The following TMX2 variants were observed in gnomAD, a reference collection of about 807,000 sequenced individuals.
TMX2 encodes the protein thioredoxin-related transmembrane protein 2.
A neutral mutation model predicts 33.4 loss-of-function variants in TMX2; 20 were observed. The observed-to-expected ratio is 0.60, with a 90% CI of 0.42 to 0.87. The LOEUF is 0.87. TMX2 is among the 40% of genes least tolerant of loss of function. The pLI is 0.00. For synonymous variants in TMX2, 166 were observed against 140.7 expected (o/e 1.18, Z -1.27); for missense variants, 340 against 370.7 (o/e 0.92, Z 0.68).
chr11:57,726,389 G>A (rs2135543186), intron 1 of TMX2, among the ~76,000 whole-genome samples: 1 of 151,914 alleles, frequency 6.6e-6, no homozygotes, highest in South Asian at 2.1e-4. Context: ...CTCTGGCCTG[G>A]GCGACAGAGC....
rs560492501 is a variant in TMX2 at position 57,715,934 on chromosome 11, G to A, written c.189+3127G>A. Among the ~76,000 whole-genome samples the A allele has an allele frequency of 1.8e-4, 28 of 152,164 alleles. No individual in the cohort carries two copies. In the East Asian group the frequency reaches 5.4e-3, roughly 29 times the overall value. On this transcript the variant is annotated intron_variant, in intron 1 of 7. Coordinates refer to ENST00000278422, the MANE Select transcript of TMX2 (RefSeq NM_015959.4). Reference sequence around the variant, plus strand: ...CGATCAACAGGATCCCAAGGCAGAAGAATTTATCTTAGTACAGAACAAAAT... The same window carrying A: ...CGATCAACAGGATCCCAAGGCAGAAAAATTTATCTTAGTACAGAACAAAAT...
chr11:57,721,269 C>A (rs1947609169), intron 1 of TMX2, among the ~76,000 whole-genome samples: 1 of 151,906 alleles, frequency 6.6e-6, no homozygotes, highest in Non-Finnish European at 1.5e-5. Context: ...CCACCGCACC[C>A]CAGCCTAGGT....
At chr11:57,736,235 TTC>T in intron 1 of TMX2, among the ~76,000 whole-genome samples, 1 of 152,180 alleles carries the variant, frequency 6.6e-6, no homozygotes, top group Non-Finnish European at 1.5e-5. Flanking sequence ...GGTGGTTACA[TTC>T]TACAACAGGG....
rs1011494280 is a variant in TMX2 at position 57,712,676 on chromosome 11, T to C, written c.58T>C (p.Trp20Arg). The C allele has an allele frequency of 6.2e-7, 1 of 1,614,228 alleles. No individual in the cohort carries two copies. Among genetic ancestry groups the C allele is most frequent in the Non-Finnish European group, 8.5e-7 (1 of 1,180,034 alleles). The change falls in exon 1 of 8, where the codon TGG (tryptophan) becomes CGG (arginine). Residue 20 changes from tryptophan to arginine, a missense_variant. Trp to Arg is a moderately radical substitution (Grantham distance 101, BLOSUM62 -3). Around this residue, in one of 3 missense-constraint regions of TMX2, gnomAD observed 106 missense variants for 82.7 expected, o/e 1.28. Coordinates refer to ENST00000278422, the MANE Select transcript of TMX2 (RefSeq NM_015959.4). ...LVYSVPRLSR[W>R]LAQPYYLLSA... The stretch of plus-strand genomic sequence containing the variant: ...GTATTCGGTGCCGCGACTTTCACGA[T>C]GGCTCGCCCAACCTTACTACCTTCT...
chr11:57,715,736 G>C (rs1032881364), intron 1 of TMX2, among the ~76,000 whole-genome samples: 2 of 151,688 alleles, frequency 1.3e-5, no homozygotes, highest in Non-Finnish European at 2.9e-5. Context: ...GCCGCCTTCC[G>C]CAGTGTTTGT....
At chr11:57,731,147 T>G (rs1417098201) in intron 1 of TMX2, among the ~76,000 whole-genome samples, 2 of 97,462 alleles carry the variant, frequency 2.1e-5, no homozygotes, top group African/African-American at 8.2e-5. Context: ...TTTTTTTTTT[T>G]TTTTTTGAGA....
intron 1 of TMX2, among the ~76,000 whole-genome samples, chr11:57,726,219 C>A (rs1450615354): frequency 6.6e-6 from 1 of 151,852 alleles, no homozygotes; most frequent in Middle Eastern, 3.4e-3. Context: ...TCGAGACCAC[C>A]CTGGGCAACA....
chr11:57,729,298 T>C (rs1050299293), intron 1 of TMX2, among the ~76,000 whole-genome samples: 3 of 152,106 alleles, frequency 2.0e-5, no homozygotes, highest in African/African-American at 7.3e-5. Flanking sequence ...AAGGTCAAAC[T>C]GAAAACTATA....
At chr11:57,727,127 G>A (rs953276887) in intron 1 of TMX2, among the ~76,000 whole-genome samples, 2 of 152,082 alleles carry the variant, frequency 1.3e-5, no homozygotes, top group Non-Finnish European at 2.9e-5. Context: ...TAAAGACCCG[G>A]ATCATAATAG....
In TMX2 at chr11:57,738,788, A is replaced by T. The variant is rs373249701; in HGVS notation, c.548+18A>T. 17 of 1,602,946 alleles carry T rather than the reference A, an allele frequency of 1.1e-5. No individual in the cohort carries two copies. Among genetic ancestry groups the T allele is most frequent in the Non-Finnish European group, 1.5e-5 (17 of 1,169,946 alleles). ...TCCCTTAAGTGAGTAGTGCAAAGGG[A>T]GGGATGGTGGAAATGGAGATGCTGT... On this transcript the variant is annotated intron_variant, in intron 5 of 7. Transcript: ENST00000278422.
chr11:57,738,530 A>G, intron 4 of TMX2, 100 bp downstream of exon 4: 2 of 1,215,908 alleles, frequency 1.6e-6, no homozygotes, highest in Non-Finnish European at 2.4e-6. Context: ...TTCAAAATGG[A>G]TGTCACGGGC....
At chr11:57,717,633 A>G (rs1013715535) in intron 1 of TMX2, among the ~76,000 whole-genome samples, 1 of 150,162 alleles carries the variant, frequency 6.7e-6, no homozygotes, top group African/African-American at 2.4e-5. Context: ...GGGAGGTTGC[A>G]GTGAGCCGAG....
chr11:57,735,965 T>C (rs1454270452), intron 1 of TMX2, among the ~76,000 whole-genome samples: 3 of 152,208 alleles, frequency 2.0e-5, no homozygotes, highest in Non-Finnish European at 4.4e-5. Flanking sequence ...AGTTGGTTGA[T>C]GTCAGGTGGA....
Position 57,740,650 on chromosome 11 carries a change from T to C in TMX2, c.*405T>C, listed in dbSNP as rs1296383408. On this transcript the variant is annotated 3_prime_UTR_variant, in exon 8 of 8. Transcript: ENST00000278422. ...AACCCTAAGGTAAGATGCTGGGGTA[T>C]AGAACGCTAAGAATTTTCCCCCAAG... is the stretch of plus-strand genomic sequence containing the variant. 1.2e-5 allele frequency: 2 copies of C among 161,874 alleles called. No individual in the cohort carries two copies. The highest frequency in any genetic ancestry group is 4.8e-5 in the African/African-American group (2 of 41,634). 10.0% of individuals were successfully genotyped at this position (161,874 alleles called of 1,614,324 possible). A position where few individuals can be genotyped will look rare whatever the true frequency, so the allele number is the denominator to read the frequency against.
At chr11:57,716,264 A>ACC (rs1173644373) in intron 1 of TMX2, among the ~76,000 whole-genome samples, 7 of 56,800 alleles carry the variant, frequency 1.2e-4, no homozygotes, top group Non-Finnish European at 2.2e-4. Context: ...CGGGGGGCTG[A>ACC]CCCCCCCCCA....
chr11:57,713,687 T>C (rs1368236229), intron 1 of TMX2, among the ~76,000 whole-genome samples: 1 of 152,192 alleles, frequency 6.6e-6, no homozygotes, highest in Non-Finnish European at 1.5e-5. Context: ...CATGAGGGAA[T>C]TGCAGGAGAA....
chr11:57,713,042 C>T (rs573425993), intron 1 of TMX2, among the ~76,000 whole-genome samples: 1 of 152,356 alleles, frequency 6.6e-6, no homozygotes, highest in East Asian at 1.9e-4. Flanking sequence ...CAGCTTTTGA[C>T]TGTTGAGTCC....
Position 57,714,543 on chromosome 11 carries a change from C to T in TMX2, c.189+1736C>T, listed in dbSNP as rs141532640. Among the ~76,000 whole-genome samples the T allele has an allele frequency of 1.4e-3, 216 of 151,810 alleles. 1 individual carries two copies. The highest frequency in any genetic ancestry group is 7.5e-3 in the East Asian group (39 of 5,174). Reference sequence around the variant, plus strand: ...TGTGGTGATTTTTTTTTCAAAGTCACGTTGACTAGCTTTAGCTGGTAAGGC... The same window carrying T: ...TGTGGTGATTTTTTTTTCAAAGTCATGTTGACTAGCTTTAGCTGGTAAGGC... On this transcript the variant is annotated intron_variant, in intron 1 of 7. Transcript: ENST00000278422.
intron 1 of TMX2, chr11:57,718,184 G>T: frequency 1.6e-6 from 2 of 1,284,112 alleles, no homozygotes; most frequent in Non-Finnish European, 2.3e-6. Context: ...ACTCACTCTT[G>T]GCAGTGTAGA....
Sources: allele counts gnomAD v4.1 joint callset (sites outside exome capture counted in the v4.1 genomes callset), GRCh38; gene constraint gnomAD v4.1.1; regional missense constraint gnomAD v4.1.1; transcripts MANE v1.5; gene names NCBI Gene and HGNC (gene_info 2026-07-23, HGNC 2026-07-21).